The following TIMM44 variants were observed in gnomAD, a reference collection of about 807,000 sequenced individuals.
TIMM44 encodes translocase of inner mitochondrial membrane 44.
TIMM44 carries 37 observed loss-of-function variants against 63.8 expected under a neutral mutation model. That is an observed-to-expected ratio of 0.58 (90% confidence interval 0.45 to 0.76). The LOEUF (loss-of-function observed/expected upper bound fraction) is 0.76, where lower values mean the gene tolerates loss of function less well. Among genes scored for constraint, TIMM44 ranks in the 30% least tolerant of loss-of-function variants. TIMM44 has a pLI of 0.00. For missense variants in TIMM44, 573 were observed against 603.8 expected, an observed-to-expected ratio of 0.95 and a Z score of 0.54; for synonymous variants, 239 against 245.1, an observed-to-expected ratio of 0.98 and a Z score of 0.23.
intron 10 of TIMM44, among the ~76,000 whole-genome samples, chr19:7,929,721 G>C (rs984192136): frequency 6.8e-6 from 1 of 147,980 alleles, no homozygotes; most frequent in Non-Finnish European, 1.5e-5. Flanking sequence ...GACCCACACT[G>C]TCCCTGACCC....
chr19:7,929,169 G>A (rs905716454), intron 10 of TIMM44, among the ~76,000 whole-genome samples: 1 of 152,168 alleles, frequency 6.6e-6, no homozygotes, highest in African/African-American at 2.4e-5. Flanking sequence ...GGTGGCCTGA[G>A]GAGATGAGAG....
At chr19:7,940,945 C>T (rs1230431611) in intron 2 of TIMM44, among the ~76,000 whole-genome samples, 157 bp downstream of exon 2, 1 of 152,028 alleles carries the variant, frequency 6.6e-6, no homozygotes, top group Non-Finnish European at 1.5e-5. Context: ...AGGCCAGGCA[C>T]ACTGGGATCT....
Position 7,927,017 on chromosome 19 carries a change from G to T in TIMM44, c.*170C>A. 4.2e-6 allele frequency: 4 copies of T among 957,314 alleles called. No homozygotes were observed. The highest frequency in any genetic ancestry group is 2.7e-5 in the East Asian group (1 of 36,934). 59.3% of individuals were successfully genotyped at this position (957,314 alleles called of 1,614,324 possible). On this transcript the variant is annotated 3_prime_UTR_variant, in exon 13 of 13. Coordinates refer to ENST00000270538, the MANE Select transcript of TIMM44 (RefSeq NM_006351.4). ...GAGTGTCTCCAGCTGCCGCGCACCC[G>T]CAACAGCCCGTTGTCCCCTCCCGGG...
Position 7,934,003 on chromosome 19 carries a change from C to A in TIMM44, c.544G>T (p.Gly182Trp). 2 of 1,614,028 alleles carry A rather than the reference C, an allele frequency of 1.2e-6. No homozygotes were observed. Among genetic ancestry groups the A allele is most frequent in the Non-Finnish European group, 1.7e-6 (2 of 1,180,020 alleles). The change falls in exon 6 of 13, where the codon GGG becomes TGG. Residue 182 changes from glycine to tryptophan, a missense_variant and splice_region_variant. Transcript: ENST00000270538. The surrounding 1 kb of genome is among the most constrained non-coding windows in gnomAD (Gnocchi z 5.3). ...RTAAFRALSQ[G>W]VESVKKEIDD... ...ATTTCCTTCTTCACGGACTCCACCC[C>A]CTGCGAGGGAGGCACAGCGGGGCTG...
At position 7,933,598 on chromosome 19, in the gene TIMM44, AGCG is replaced by A. The variant is rs771243656; in HGVS notation, c.684-31_684-29del. ...GGGGAAGAGGGTGGGCCCTGGGGTG[AGCG>A]GCGGCGCCAGGGCCACCCTGTGCCC... is the stretch of plus-strand genomic sequence containing the variant. On this transcript the variant is annotated intron_variant, in intron 6 of 12. Coordinates refer to ENST00000270538, the MANE Select transcript of TIMM44 (RefSeq NM_006351.4). This position sits in a 1 kb window ranked among gnomAD's most constrained non-coding sequence, Gnocchi z 4.3. The A allele has an allele frequency of 6.3e-7, 1 of 1,598,202 alleles. No individual in the cohort carries two copies. Among genetic ancestry groups the A allele is most frequent in the South Asian group, 1.1e-5 (1 of 90,762 alleles).
chr19:7,939,267 C>T (rs1376287613), intron 2 of TIMM44, among the ~76,000 whole-genome samples: 1 of 152,128 alleles, frequency 6.6e-6, no homozygotes, highest in Non-Finnish European at 1.5e-5. Flanking sequence ...TTTGGACATT[C>T]TGTTGGATTT....
intron 2 of TIMM44, among the ~76,000 whole-genome samples, chr19:7,938,665 C>G (rs545364): frequency 0.67 from 102,271 of 151,960 alleles, 34,881 homozygotes; most frequent in African/African-American, 0.76. Flanking sequence ...AAGTTAGCTG[C>G]GCATGGTGGT....
At position 7,931,281 on chromosome 19, in the gene TIMM44, G is replaced by A. The variant is rs1983975207; in HGVS notation, c.988-93C>T. On this transcript the variant is annotated intron_variant, in intron 9 of 12. Transcript: ENST00000270538. ...GAACATTCTCCAGTGGTGCGGGGTG[G>A]GGAGTTTCCTCAGACACCCCCGGCT... 9.0e-6 allele frequency: 11 copies of A among 1,221,726 alleles called. No individual in the cohort carries two copies. The South Asian group carries it at 1.3e-4, about 15-fold the overall frequency. The allele number at this position is 1,221,726 out of a possible 1,614,324, so 75.7% of individuals were successfully genotyped here.
At position 7,935,042 on chromosome 19, in the gene TIMM44, C is replaced by G. The variant is rs186120980; in HGVS notation, c.393+23G>C. The G allele has an allele frequency of 3.8e-4, 605 of 1,595,678 alleles. 3 individuals are homozygous for G. The African/African-American group carries it at 7.7e-3, about 20-fold the overall frequency. On this transcript the variant is annotated intron_variant, in intron 4 of 12. Coordinates refer to ENST00000270538, the MANE Select transcript of TIMM44 (RefSeq NM_006351.4). ...GGGGACTTTGATGGCCCCAGCGGCT[C>G]CAGGCGGGCGTGGAACTGTTACCTC...
chr19:7,932,691 G>T lies in TIMM44; in HGVS notation c.923C>A (p.Pro308Gln), dbSNP rs139625465. The change falls in exon 9 of 13, where the codon CCG (proline) becomes CAG (glutamine). Residue 308 changes from proline to glutamine, a missense_variant. By Grantham distance (76) the Pro-to-Gln change is moderately conservative (BLOSUM62 -1). Transcript: ENST00000270538. ...CAGAAACCGGTCCTTGTCAAAGGCCGGGTCCACCCGGAGGATCTCCGTGAG... is the reference window on the plus strand; with the variant it reads ...CAGAAACCGGTCCTTGTCAAAGGCCTGGTCCACCCGGAGGATCTCCGTGAG... ...EVLTEILRVDPAFDKDRFLKQ... is the reference protein window; with the variant it reads ...EVLTEILRVDQAFDKDRFLKQ... 4.3e-3 allele frequency: 6,927 copies of T among 1,614,140 alleles called. 13 individuals carry two copies. Among genetic ancestry groups the T allele is most frequent in the Non-Finnish European group, 5.4e-3 (6,326 of 1,180,026 alleles).
rs911501770 is a variant in TIMM44, at chr19:7,927,151, G to T, written c.*36C>A. 15 of 1,587,166 alleles carry T rather than the reference G, an allele frequency of 9.5e-6. No individual in the cohort carries two copies. Among genetic ancestry groups the T allele is most frequent in the Admixed American group, 3.5e-5 (2 of 57,310 alleles). ...GTGTTGCGGTGCCTCTGTGCCTGAT[G>T]ACCCAGGCCGGGGCTACCTGGCTCC... On this transcript the variant is annotated 3_prime_UTR_variant, in exon 13 of 13. Transcript: ENST00000270538.
intron 10 of TIMM44, among the ~76,000 whole-genome samples, chr19:7,930,356 T>C (rs1007392152): frequency 3.4e-5 from 5 of 148,154 alleles, no homozygotes; most frequent in African/African-American, 1.3e-4. Context: ...TTGCCCAGGC[T>C]GAAGTGCAGT....
chr19:7,927,299 A>G lies in TIMM44; in HGVS notation c.1247T>C (p.Val416Ala). The change falls in exon 13 of 13, where the codon GTG (valine) becomes GCG (alanine). Residue 416 changes from valine (V) to alanine (A), a missense_variant. By Grantham distance (64) the Val-to-Ala change is moderately conservative. Coordinates refer to ENST00000270538, the MANE Select transcript of TIMM44 (RefSeq NM_006351.4). ...CGCCCACACGTACAGCATCCGCAGC[A>G]CCTTGTCCTGCAGGGTGGGGTGGGA... ...GEVVEGDPDK[V>A]LRMLYVWALC... 6.2e-7 allele frequency: 1 copy of G among 1,608,194 alleles called. No individual in the cohort carries two copies. Among genetic ancestry groups the G allele is most frequent in the Non-Finnish European group, 8.5e-7 (1 of 1,179,126 alleles).
chr19:7,941,277 A>G, intron 1 of TIMM44, 80 bp from the exon 2 acceptor site: 2 of 1,092,624 alleles, frequency 1.8e-6, no homozygotes, highest in South Asian at 2.5e-5. Flanking sequence ...ACAAAACAGC[A>G]GGGTCACCTG....
chr19:7,942,683 C>CT (rs1272322098), intron 1 of TIMM44, among the ~76,000 whole-genome samples: 7 of 143,730 alleles, frequency 4.9e-5, no homozygotes, highest in African/African-American at 1.8e-4. Context: ...TTTTTTGAGA[C>CT]GGAGTCTCCC....
At chr19:7,929,705 G>A (rs997734712) in intron 10 of TIMM44, among the ~76,000 whole-genome samples, 6 of 147,732 alleles carry the variant, frequency 4.1e-5, no homozygotes, top group Non-Finnish European at 6.0e-5. Flanking sequence ...CCCCAGTCAT[G>A]TGGGAGACCC....
intron 9 of TIMM44, 37 bp from the exon 10 acceptor site, chr19:7,931,225 T>A: frequency 6.3e-7 from 1 of 1,596,614 alleles, no homozygotes; most frequent in Non-Finnish European, 8.6e-7. Flanking sequence ...AGAACGAGAG[T>A]GGGCTTTTCA....
At position 7,926,808 on chromosome 19, in the gene TIMM44, A is replaced by G; in HGVS notation, c.*379T>C. On this transcript the variant is annotated 3_prime_UTR_variant, in exon 13 of 13. Transcript: ENST00000270538. ...ACTGTTAAAATTAAAAAATGGACCT[A>G]AAGTGGCTTGGCTGACGTGGCTAGC... 3.1e-6 allele frequency: 1 copy of G among 318,694 alleles called. No individual in the cohort carries two copies. The highest frequency in any genetic ancestry group is 6.1e-6 in the Non-Finnish European group (1 of 162,852). The allele number at this position is 318,694 out of a possible 1,614,324, so 19.7% of individuals were successfully genotyped here. A position where few individuals can be genotyped will look rare whatever the true frequency, so the allele number is the denominator to read the frequency against.
At position 7,926,966 on chromosome 19, in the gene TIMM44, A is replaced by G; in HGVS notation, c.*221T>C. 1 of 588,210 alleles carries G rather than the reference A, an allele frequency of 1.7e-6. No homozygotes were observed. Among genetic ancestry groups the G allele is most frequent in the Non-Finnish European group, 3.0e-6 (1 of 335,294 alleles). 36.4% of individuals were successfully genotyped at this position (588,210 alleles called of 1,614,324 possible). On this transcript the variant is annotated 3_prime_UTR_variant, in exon 13 of 13. Coordinates refer to ENST00000270538, the MANE Select transcript of TIMM44 (RefSeq NM_006351.4). ...GCCGGGACCCCTGCAGGGCAGAGCA[A>G]CAGGGCAGGGGTTGGCCCTGCGGGG...
Sources: gnomAD v4.1 joint callset for allele counts (sites outside exome capture counted in the v4.1 genomes callset) on GRCh38, gnomAD v4.1.1 for gene constraint, Gnocchi (gnomAD v3.1) non-coding constraint, MANE v1.5 for transcripts, NCBI Gene and HGNC (gene_info 2026-07-23, HGNC 2026-07-21) for gene names.